The following AGBL4 variants were observed in gnomAD, a reference collection of about 807,000 sequenced individuals.
AGBL4 encodes cytosolic carboxypeptidase 6.
AGBL4 carries 58 observed loss-of-function variants against 66.4 expected under a neutral mutation model. The observed-to-expected ratio is 0.87, with a 90% confidence interval of 0.71 to 1.09. The LOEUF (loss-of-function observed/expected upper bound fraction) is 1.09, where lower values mean the gene tolerates loss of function less well. AGBL4 is among the 50% of genes least tolerant of loss of function. The pLI, the probability that AGBL4 is intolerant of heterozygous loss-of-function variation, is 0.00. For synonymous variants in AGBL4, 234 were observed against 222.9 expected, an observed-to-expected ratio of 1.05 and a Z score of -0.44; for missense variants, 579 against 631.0, an observed-to-expected ratio of 0.92 and a Z score of 0.88.
chr1:49,456,229 C>T (rs527496771), intron 3 of AGBL4, among the ~76,000 whole-genome samples: 2 of 151,712 alleles, frequency 1.3e-5, no homozygotes, highest in South Asian at 2.1e-4. Context: ...TAGGGATACT[C>T]CCTTCATCTT....
intron 4 of AGBL4, among the ~76,000 whole-genome samples, chr1:49,098,416 G>C (rs1173224005): frequency 1.3e-5 from 2 of 152,192 alleles, no homozygotes; most frequent in African/African-American, 4.8e-5. Context: ...AGCCTGATCT[G>C]GTTTAGGACA....
intron 3 of AGBL4, among the ~76,000 whole-genome samples, chr1:49,271,175 A>G (rs1301576214): frequency 6.6e-6 from 1 of 152,130 alleles, no homozygotes; most frequent in Non-Finnish European, 1.5e-5. Flanking sequence ...CTGTCCTTCC[A>G]TGAGCAGCTT....
intron 6 of AGBL4, among the ~76,000 whole-genome samples, chr1:48,822,342 A>G (rs993331369): frequency 6.6e-6 from 1 of 152,246 alleles, no homozygotes; most frequent in Non-Finnish European, 1.5e-5. Context: ...GCTAAAGAAG[A>G]CTAAAAAGGA....
intron 3 of AGBL4, among the ~76,000 whole-genome samples, chr1:49,516,135 T>C (rs1218538882): frequency 6.6e-6 from 1 of 151,678 alleles, no homozygotes; most frequent in Non-Finnish European, 1.5e-5. Flanking sequence ...CAAAGATTCA[T>C]TAGGAGCTAG....
At chr1:48,717,984 T>A (rs1475832195) in intron 6 of AGBL4, among the ~76,000 whole-genome samples, 1 of 152,226 alleles carries the variant, frequency 6.6e-6, no homozygotes, top group East Asian at 1.9e-4. Flanking sequence ...TCCACAAGGC[T>A]AACTGAATAA....
intron 3 of AGBL4, among the ~76,000 whole-genome samples, chr1:49,336,651 T>C (rs1300424112): frequency 6.6e-6 from 1 of 152,346 alleles, no homozygotes; most frequent in African/African-American, 2.4e-5. Flanking sequence ...TTAATTTAAA[T>C]CTTTCATCAG....
intron 3 of AGBL4, among the ~76,000 whole-genome samples, chr1:49,285,949 T>C (rs900578217): frequency 2.0e-5 from 3 of 152,210 alleles, no homozygotes; most frequent in Admixed American, 6.5e-5. Flanking sequence ...TGAACATTGA[T>C]GCAAAAATCC....
chr1:49,822,347 G>GA (rs1238974367), intron 2 of AGBL4, among the ~76,000 whole-genome samples: 1 of 151,864 alleles, frequency 6.6e-6, no homozygotes, highest in East Asian at 1.9e-4. Flanking sequence ...GTGTTTGTGT[G>GA]AGACGGAGTC....
intron 5 of AGBL4, among the ~76,000 whole-genome samples, chr1:48,933,548 A>G (rs866938330): frequency 6.6e-6 from 1 of 152,168 alleles, no homozygotes; most frequent in Admixed American, 6.5e-5. Context: ...AGTATCATCC[A>G]TGTCTTCTTG....
At chr1:49,812,070 T>C (rs1357879340) in intron 2 of AGBL4, among the ~76,000 whole-genome samples, 1 of 152,174 alleles carries the variant, frequency 6.6e-6, no homozygotes, top group Non-Finnish European at 1.5e-5. Flanking sequence ...TAAGCAATCA[T>C]TGCACATAAT....
intron 4 of AGBL4, among the ~76,000 whole-genome samples, chr1:49,151,839 C>G (rs908253893): frequency 2.0e-5 from 3 of 152,094 alleles, no homozygotes; most frequent in Non-Finnish European, 4.4e-5. Flanking sequence ...AAATATGAAT[C>G]CTTCCCCCTT....
At chr1:49,014,358 G>A (rs946427451) in intron 5 of AGBL4, among the ~76,000 whole-genome samples, 7 of 152,196 alleles carry the variant, frequency 4.6e-5, no homozygotes, top group African/African-American at 7.2e-5. Flanking sequence ...TAATATTGTC[G>A]TTAAGTGTAC....
intron 3 of AGBL4, among the ~76,000 whole-genome samples, chr1:49,678,182 C>A (rs1646618149): frequency 6.6e-6 from 1 of 152,062 alleles, no homozygotes; most frequent in Non-Finnish European, 1.5e-5. Context: ...TGTTTTGTAA[C>A]TTGTAGTGTT....
At chr1:49,189,450 A>G (rs1442910240) in intron 4 of AGBL4, among the ~76,000 whole-genome samples, 1 of 152,194 alleles carries the variant, frequency 6.6e-6, no homozygotes, top group Non-Finnish European at 1.5e-5. Flanking sequence ...ATAATTTGAT[A>G]GAGTTTGTTG....
intron 1 of AGBL4, among the ~76,000 whole-genome samples, chr1:49,943,304 C>T (rs970632442): frequency 1.3e-5 from 2 of 152,066 alleles, no homozygotes; most frequent in African/African-American, 4.8e-5. Context: ...GTTCCCACTC[C>T]GATGGACAGA....
At position 49,621,865 on chromosome 1, in the gene AGBL4, T is replaced by C. The variant is rs75916392; in HGVS notation, c.282+75448A>G. ...TTCCTTCTCCTGTCTCTGTTAGTAA[T>C]TGACTGCCAAGAGGACAGAGATTTG... On this transcript the variant is annotated intron_variant, in intron 3 of 13. Transcript: ENST00000371839. Among the ~76,000 whole-genome samples, 252 of 152,320 alleles carry C rather than the reference T, an allele frequency of 1.7e-3. 2 individuals carry two copies. The highest frequency in any genetic ancestry group is 5.8e-3 in the African/African-American group (242 of 41,580).
rs1015487594 is a variant in AGBL4, at chr1:49,406,636, A to C, written c.283-160772T>G. On this transcript the variant is annotated intron_variant, in intron 3 of 13. Transcript: ENST00000371839. ...TGGTACAGGTAATATAAGCTCAACT[A>C]TACAAATGTGGTTTTAAAGACTGGA... Among the ~76,000 whole-genome samples, 9 of 152,306 alleles carry C rather than the reference A, an allele frequency of 5.9e-5. No individual in the cohort carries two copies. The South Asian group carries it at 1.7e-3, about 28-fold the overall frequency.
At chr1:49,846,274 G>A (rs2148051720) in intron 2 of AGBL4, 2 of 1,489,834 alleles carry the variant, frequency 1.3e-6, no homozygotes, top group African/African-American at 1.4e-5. Flanking sequence ...CCTTTAGGCA[G>A]AGCACCCACC....
intron 5 of AGBL4, among the ~76,000 whole-genome samples, chr1:48,985,437 G>A (rs1660107756): frequency 6.6e-6 from 1 of 151,930 alleles, no homozygotes; most frequent in South Asian, 2.1e-4. Flanking sequence ...CTGCAGCCAA[G>A]GAAAGAACCA....
Sources: gnomAD v4.1 joint callset for allele counts (sites outside exome capture counted in the v4.1 genomes callset) on GRCh38, gnomAD v4.1.1 for gene constraint, MANE v1.5 for transcripts, NCBI Gene and HGNC (gene_info 2026-07-23, HGNC 2026-07-21) for gene names.